The following GYPE variants were observed in gnomAD, a reference collection of about 807,000 sequenced individuals.
GYPE encodes the protein glycophorin E (MNS blood group).
In GYPE, 8 loss-of-function variants were observed where a neutral mutation model predicts 11.6. That is an observed-to-expected ratio of 0.69 (90% confidence interval 0.41 to 1.25). The LOEUF is 1.25. Ranked by LOEUF, GYPE falls within the 50% of genes most tolerant of loss-of-function variation. GYPE has a pLI of 0.01. For synonymous variants in GYPE, 28 were observed against 29.6 expected (o/e 0.94, Z 0.18); for missense variants, 90 against 92.8 (o/e 0.97, Z 0.12).
chr4:143,900,510 T>C (rs1317803053), intron 1 of GYPE, among the ~76,000 whole-genome samples: 1 of 140,280 alleles, frequency 7.1e-6, no homozygotes, highest in African/African-American at 2.6e-5. Flanking sequence ...CTATTCACAA[T>C]AGCCAAAAGG....
chr4:143,883,124 G>T (rs544501095), intron 1 of GYPE, among the ~76,000 whole-genome samples: 7 of 151,982 alleles, frequency 4.6e-5, no homozygotes, highest in African/African-American at 9.7e-5. Flanking sequence ...TGATGCTGTC[G>T]TGGACATAGT....
chr4:143,897,508 C>G (rs1415375637), intron 1 of GYPE, among the ~76,000 whole-genome samples: 1 of 152,046 alleles, frequency 6.6e-6, no homozygotes, highest in Non-Finnish European at 1.5e-5. Flanking sequence ...GAGAATATAT[C>G]AAAGTACATC....
intron 1 of GYPE, among the ~76,000 whole-genome samples, chr4:143,900,744 A>AT (rs1342843034): frequency 6.6e-6 from 1 of 152,186 alleles, no homozygotes; most frequent in Non-Finnish European, 1.5e-5. Context: ...AAGGCTACCT[A>AT]TTATATGATT....
chr4:143,882,549 C>CA (rs1444714492), intron 1 of GYPE, among the ~76,000 whole-genome samples: 179 of 151,502 alleles, frequency 1.2e-3, no homozygotes, highest in African/African-American at 4.1e-3. Context: ...AATAACAAGC[C>CA]AAAAAAAATC....
chr4:143,899,464 G>A (rs1578979305), intron 1 of GYPE, among the ~76,000 whole-genome samples: 2 of 152,090 alleles, frequency 1.3e-5, no homozygotes, highest in East Asian at 3.9e-4. Flanking sequence ...TTGCAAGAAT[G>A]GAAAACCTAA....
intron 3 of GYPE, among the ~76,000 whole-genome samples, chr4:143,876,435 T>A (rs931407122): frequency 6.6e-6 from 1 of 152,184 alleles, no homozygotes; most frequent in African/African-American, 2.4e-5. Flanking sequence ...ATAGGGTAAA[T>A]ACTATAAGTA....
chr4:143,876,156 C>G (rs1421829886), intron 3 of GYPE, among the ~76,000 whole-genome samples: 1 of 151,750 alleles, frequency 6.6e-6, no homozygotes, highest in Non-Finnish European at 1.5e-5. Flanking sequence ...CTCTGTTGCC[C>G]AAGCTGGAGT....
intron 2 of GYPE, among the ~76,000 whole-genome samples, chr4:143,877,489 G>A (rs1743860862): frequency 6.6e-6 from 1 of 152,156 alleles, no homozygotes; most frequent in Non-Finnish European, 1.5e-5. Context: ...TCATTTGTAT[G>A]TTGGGAATGA....
At chr4:143,904,387 T>C (rs988900837) in intron 1 of GYPE, among the ~76,000 whole-genome samples, 7 of 152,296 alleles carry the variant, frequency 4.6e-5, no homozygotes, top group Non-Finnish European at 8.8e-5. Context: ...AGTGCCAACA[T>C]TGCCTGCATT....
intron 1 of GYPE, among the ~76,000 whole-genome samples, chr4:143,905,003 G>A (rs951394279): frequency 2.0e-4 from 30 of 151,888 alleles, no homozygotes; most frequent in African/African-American, 5.3e-4. Flanking sequence ...GACCCACAGA[G>A]AAGCGAACAA....
At chr4:143,895,849 G>A (rs1397589991) in intron 1 of GYPE, among the ~76,000 whole-genome samples, 8 of 151,954 alleles carry the variant, frequency 5.3e-5, no homozygotes, top group Non-Finnish European at 1.0e-4. Context: ...CAGAAATAAC[G>A]CCGCACATCT....
At chr4:143,887,682 T>G (rs1377586076) in intron 1 of GYPE, among the ~76,000 whole-genome samples, 1 of 151,028 alleles carries the variant, frequency 6.6e-6, no homozygotes, top group Admixed American at 6.6e-5. Flanking sequence ...TTAGGGCACC[T>G]AGCAGGCAAG....
intron 1 of GYPE, among the ~76,000 whole-genome samples, chr4:143,883,091 T>C (rs1744098391): frequency 6.6e-6 from 1 of 152,106 alleles, no homozygotes; most frequent in African/African-American, 2.4e-5. Flanking sequence ...GGCTGGTTTC[T>C]CATGGCTTAA....
At chr4:143,900,617 T>C (rs1038708612) in intron 1 of GYPE, among the ~76,000 whole-genome samples, 10 of 150,364 alleles carry the variant, frequency 6.7e-5, no homozygotes, top group African/African-American at 2.2e-4. Flanking sequence ...ATAAACAAAA[T>C]GTGATATACC....
chr4:143,892,117 T>C (rs1476471747), intron 1 of GYPE, among the ~76,000 whole-genome samples: 1 of 152,226 alleles, frequency 6.6e-6, no homozygotes, highest in Non-Finnish European at 1.5e-5. Context: ...TGTAGTATTG[T>C]CTGATGGTAG....
At chr4:143,883,770 A>C (rs1246824721) in intron 1 of GYPE, among the ~76,000 whole-genome samples, 12 of 151,720 alleles carry the variant, frequency 7.9e-5, no homozygotes, top group East Asian at 3.9e-4. Context: ...GCATCATTTT[A>C]AGACCAATGA....
In GYPE at chr4:143,871,385, G is replaced by A. The variant is rs1743615477; in HGVS notation, c.*877C>T. The A allele has an allele frequency of 6.6e-6, 1 of 152,168 alleles. No individual in the cohort carries two copies. The highest frequency in any genetic ancestry group is 2.1e-4 in the South Asian group (1 of 4,824). The allele number at this position is 152,168 out of a possible 1,614,324, so 9.4% of individuals were successfully genotyped here. A position where few individuals can be genotyped will look rare whatever the true frequency, so the allele number is the denominator to read the frequency against. On this transcript the variant is annotated 3_prime_UTR_variant, in exon 4 of 4. Transcript: ENST00000358615. ...CCTATTCTTCCATAAGTAGCCACTA[G>A]GACCACGGCTGAAACCAAGAGGCAC...
intron 2 of GYPE, among the ~76,000 whole-genome samples, chr4:143,877,211 A>G (rs946627273): frequency 2.6e-5 from 4 of 152,206 alleles, no homozygotes; most frequent in Admixed American, 6.5e-5. Context: ...AAATTCTCCC[A>G]TAGTTTGGAA....
intron 1 of GYPE, among the ~76,000 whole-genome samples, chr4:143,884,869 T>A (rs1744176203): frequency 2.1e-5 from 2 of 94,764 alleles, no homozygotes; most frequent in African/African-American, 7.7e-5. Flanking sequence ...AGGCACCAAA[T>A]GCTGTGGGCC....
Sources: allele counts gnomAD v4.1 joint callset (sites outside exome capture counted in the v4.1 genomes callset), GRCh38; gene constraint gnomAD v4.1.1; transcripts MANE v1.5; gene names NCBI Gene and HGNC (gene_info 2026-07-23, HGNC 2026-07-21).